Variants in OR1F1 observed in about 807,000 individuals in gnomAD.
OR1F1 encodes olfactory receptor family 1 subfamily F member 1.
For missense variants in OR1F1, 493 were observed against 376.3 expected (o/e 1.31, Z -2.57); for synonymous variants, 184 against 156.7 (o/e 1.17, Z -1.30).
chr16:3,204,734 T>A, exon 1 of OR1F1: 1 of 1,614,142 alleles, frequency 6.2e-7, no homozygotes, highest in Non-Finnish European at 8.5e-7. Context: ...ACCCTGCTGA[T>A]GGCTCCACTC....
chr16:3,204,499 C>G lies in OR1F1; in HGVS notation c.253C>G (p.His85Asp), dbSNP rs928316000. ...CACCGTCCCCAAGATGCTGGCCAAT[C>G]ACATACTCGAGACTCAGACCATCTC... Residue 85 changes from histidine to aspartate, a missense_variant, in exon 1 of 1, where the codon CAC becomes GAC. His to Asp is a moderately conservative substitution (Grantham distance 81). Coordinates refer to ENST00000304646, the Ensembl canonical transcript of OR1F1. 5 of 1,614,084 alleles carry G rather than the reference C, an allele frequency of 3.1e-6. No homozygotes were observed. The Admixed American group carries it at 6.7e-5, about 22-fold the overall frequency.
At chr16:3,201,068 T>C (rs957921475), upstream of OR1F1, among the ~76,000 whole-genome samples, 1 of 152,236 alleles carries the variant, frequency 6.6e-6, no homozygotes, top group South Asian at 2.1e-4. Context: ...AGTAGAATAA[T>C]ACATTATGTG....
At chr16:3,191,490 T>G in the OR1F1 span, among the ~76,000 whole-genome samples, 2 of 152,138 alleles carry the variant, frequency 1.3e-5, no homozygotes, top group Non-Finnish European at 2.9e-5. Flanking sequence ...ACATAAAACG[T>G]TCCCAGGGAA....
upstream of OR1F1, chr16:3,204,134 A>T: frequency 1.4e-6 from 1 of 732,028 alleles, no homozygotes; most frequent in Non-Finnish European, 2.2e-6. Context: ...ATTATCATTT[A>T]CATCCTGCAA....
chr16:3,204,150 A>G (rs1404291418), upstream of OR1F1: 2 of 875,918 alleles, frequency 2.3e-6, no homozygotes, highest in Non-Finnish European at 3.5e-6. Flanking sequence ...TGCAAGCAAA[A>G]TTCTACTGCC....
At chr16:3,189,342 C>T in the OR1F1 span, among the ~76,000 whole-genome samples, 1 of 152,186 alleles carries the variant, frequency 6.6e-6, no homozygotes, top group South Asian at 2.1e-4. Context: ...GCTGGAGCTC[C>T]TCACTGCGCG....
chr16:3,199,113 TACAAAAAAAAAAAAAAAA>T, the OR1F1 span, among the ~76,000 whole-genome samples: 1 of 24,228 alleles, frequency 4.1e-5, no homozygotes, highest in African/African-American at 1.4e-4. Context: ...ATCCTGTCTC[TACAAAAAAAAAAAAAAAA>T]AAAAAAAAAA....
the OR1F1 span, among the ~76,000 whole-genome samples, chr16:3,192,422 A>T: frequency 3.3e-5 from 5 of 152,170 alleles, no homozygotes; most frequent in African/African-American, 1.2e-4. Context: ...TCGGTCCTGG[A>T]TTTCTCTGCT....
the OR1F1 span, among the ~76,000 whole-genome samples, chr16:3,190,252 C>T: frequency 6.6e-6 from 1 of 152,126 alleles, no homozygotes; most frequent in Non-Finnish European, 1.5e-5. Flanking sequence ...CCTCTGCTCC[C>T]CTGTCCTGGT....
the OR1F1 span, among the ~76,000 whole-genome samples, chr16:3,194,504 C>G: frequency 6.6e-6 from 1 of 151,956 alleles, no homozygotes; most frequent in Non-Finnish European, 1.5e-5. Context: ...AAAGAACGTT[C>G]AATCTATCCT....
the OR1F1 span, among the ~76,000 whole-genome samples, chr16:3,189,160 T>C: frequency 6.6e-6 from 1 of 151,968 alleles, no homozygotes; most frequent in South Asian, 2.1e-4. Flanking sequence ...TGCGGCGAGG[T>C]AGGGTGCCTG....
upstream of OR1F1, among the ~76,000 whole-genome samples, chr16:3,203,593 G>A (rs113821565): frequency 2.9e-3 from 441 of 152,196 alleles, 3 homozygotes; most frequent in African/African-American, 9.8e-3. Context: ...GTGAAACCCC[G>A]TCTCTACTAA....
At chr16:3,188,518 G>A in the OR1F1 span, 1 of 152,274 alleles carries the variant, frequency 6.6e-6, no homozygotes, top group Non-Finnish European at 1.5e-5. Context: ...TTTATTCGGA[G>A]AAGGGGAGAA....
In OR1F1 at chr16:3,204,908, TCA is replaced by T. The variant is rs1257237256; in HGVS notation, c.664_665del (p.Thr222LeufsTer39). On this transcript the variant is annotated frameshift_variant, in exon 1 of 1. Transcript: ENST00000304646. LOFTEE classifies it low-confidence loss of function (END_TRUNC). ...TGCATCCTGGCTTCTTATATGCACA[TCA>T]CCTGCACTGTCCTGAAGGTCCCATC... 1 of 1,614,050 alleles carries T rather than the reference TCA, an allele frequency of 6.2e-7. No homozygotes were observed. The highest frequency in any genetic ancestry group is 1.3e-5 in the African/African-American group (1 of 74,916).
At chr16:3,201,131 C>T (rs1958130532), upstream of OR1F1, among the ~76,000 whole-genome samples, 1 of 152,198 alleles carries the variant, frequency 6.6e-6, no homozygotes, top group Non-Finnish European at 1.5e-5. Context: ...GGTTCATCCA[C>T]ATTGTAGTGT....
the OR1F1 span, chr16:3,188,214 G>C: frequency 2.0e-5 from 3 of 151,976 alleles, no homozygotes; most frequent in African/African-American, 7.3e-5. Context: ...AAGGACAGGA[G>C]ACTAGGAAGG....
chr16:3,193,370 AG>A, the OR1F1 span, among the ~76,000 whole-genome samples: 11 of 152,164 alleles, frequency 7.2e-5, no homozygotes, highest in African/African-American at 2.7e-4. Context: ...CTGACTCCGA[AG>A]GAAAATCTAG....
the OR1F1 span, among the ~76,000 whole-genome samples, chr16:3,190,816 A>C: frequency 1.3e-5 from 2 of 152,066 alleles, no homozygotes; most frequent in Non-Finnish European, 2.9e-5. Flanking sequence ...ACAGTAGGCA[A>C]CAGAAACAAA....
the OR1F1 span, chr16:3,189,617 T>C: frequency 2.6e-5 from 4 of 152,126 alleles, no homozygotes; most frequent in African/African-American, 9.7e-5. Flanking sequence ...AAGATAACCT[T>C]AATGCGTAAA....
Sources: gnomAD v4.1 joint callset for allele counts (sites outside exome capture counted in the v4.1 genomes callset) on GRCh38, gnomAD v4.1.1 for gene constraint, MANE v1.5 for transcripts, NCBI Gene and HGNC (gene_info 2026-07-23, HGNC 2026-07-21) for gene names.